Variants in OTOF observed in about 807,000 individuals in gnomAD.
OTOF encodes the protein otoferlin.
OTOF carries 218 observed loss-of-function variants against 236.8 expected under a neutral mutation model. That is an observed-to-expected ratio of 0.92 (90% CI 0.82 to 1.03). OTOF has a LOEUF of 1.03. OTOF is among the 50% of genes least tolerant of loss of function. OTOF has a pLI of 0.00. For synonymous variants in OTOF, 1,041 were observed against 1,072.5 expected, an observed-to-expected ratio of 0.97 and a Z score of 0.57; for missense variants, 2,590 against 2,694.4, an observed-to-expected ratio of 0.96 and a Z score of 0.86.
intron 16 of OTOF, among the ~76,000 whole-genome samples, chr2:26,479,979 G>A (rs1665486109): frequency 6.6e-6 from 1 of 152,252 alleles, no homozygotes; most frequent in Non-Finnish European, 1.5e-5. Flanking sequence ...TGTAGGTGGA[G>A]CTGAGGGTTG....
Position 26,465,659 on chromosome 2 carries a change from A to G in OTOF, c.4799+13T>C. On this transcript the variant is annotated intron_variant, in intron 38 of 46. Transcript: ENST00000272371. Reference sequence around the variant, plus strand: ...GCACACTGCCCCCGCCCTCTGCCCCATGCCCCACATACGTGGAGTAGGTCT... The same window carrying G: ...GCACACTGCCCCCGCCCTCTGCCCCGTGCCCCACATACGTGGAGTAGGTCT... The G allele has an allele frequency of 6.2e-7, 1 of 1,613,674 alleles. No individual in the cohort carries two copies.
chr2:26,532,534 G>A (rs993973248), intron 2 of OTOF, among the ~76,000 whole-genome samples: 7 of 152,240 alleles, frequency 4.6e-5, no homozygotes, highest in African/African-American at 1.7e-4. Context: ...CAGGGATGCA[G>A]GGTTGTTTCT....
intron 1 of OTOF, 79 bp downstream of exon 1, chr2:26,558,414 C>T: frequency 7.7e-7 from 1 of 1,299,672 alleles, no homozygotes; most frequent in Admixed American, 1.7e-5. Flanking sequence ...CCAGCCCTGT[C>T]CTATCCCCGG....
At chr2:26,467,330 A>C in intron 34 of OTOF, 35 bp downstream of exon 34, 1 of 1,612,470 alleles carries the variant, frequency 6.2e-7, no homozygotes, top group Non-Finnish European at 8.5e-7. Context: ...TCCCGCCCCC[A>C]CACACCCTAG....
intron 30 of OTOF, 91 bp from the exon 31 acceptor site, chr2:26,471,241 G>T: frequency 6.9e-7 from 1 of 1,458,572 alleles, no homozygotes; most frequent in Non-Finnish European, 9.6e-7. Context: ...TGGAGGAGCC[G>T]AGATGGAAAT....
intron 5 of OTOF, among the ~76,000 whole-genome samples, chr2:26,504,847 G>A (rs1196977115): frequency 2.0e-5 from 3 of 152,154 alleles, no homozygotes; most frequent in Non-Finnish European, 4.4e-5. Flanking sequence ...TCCTGGGTAT[G>A]GCCCCATCAT....
chr2:26,551,684 G>A (rs1013836979), intron 1 of OTOF, among the ~76,000 whole-genome samples: 1 of 152,184 alleles, frequency 6.6e-6, no homozygotes, highest in Non-Finnish European at 1.5e-5. Context: ...TCAACAGAAC[G>A]AGTGGATAAA....
At chr2:26,489,375 T>G (rs984708858) in intron 10 of OTOF, 80 bp from the exon 11 acceptor site, 15 of 1,146,780 alleles carry the variant, frequency 1.3e-5, no homozygotes, top group African/African-American at 3.0e-5. Context: ...GACCCGAGCT[T>G]TGTGGTGAAG....
chr2:26,467,085 G>A lies in OTOF; in HGVS notation c.4362+14C>T. On this transcript the variant is annotated intron_variant, in intron 35 of 46. Transcript: ENST00000272371. ...TGGCGGGTGCTCAGGCTGGGCCCGT[G>A]CTCCTGGCCTGACCTTGAAGCGTCC... is the stretch of plus-strand genomic sequence containing the variant. The A allele has an allele frequency of 1.2e-6, 2 of 1,611,964 alleles. No homozygotes were observed. Among genetic ancestry groups the A allele is most frequent in the Non-Finnish European group, 1.7e-6 (2 of 1,179,872 alleles).
chr2:26,491,464 T>C (rs188080967), intron 9 of OTOF, among the ~76,000 whole-genome samples: 2 of 152,302 alleles, frequency 1.3e-5, no homozygotes, highest in Non-Finnish European at 2.9e-5. Context: ...TGAGCACACA[T>C]GGGTCTTCAT....
In OTOF at chr2:26,558,547, T is replaced by G. The variant is rs764457788; in HGVS notation, c.25A>C (p.Thr9Pro). 7 of 1,613,710 alleles carry G rather than the reference T, an allele frequency of 4.3e-6. No homozygotes were observed. The African/African-American group carries it at 8.0e-5, about 18-fold the overall frequency. The change falls in exon 1 of 47, where the codon ACA becomes CCA. Residue 9 changes from threonine (T) to proline (P), a missense_variant. This residue lies in a region of OTOF where 1,379 missense variants were observed against 1,341.6 expected (regional missense o/e 1.03). Transcript: ENST00000272371. MALLIHLK[T>P]VSELRGRGDR... ...CCCCTGCCCCGCAGCTCCGAGACTG[T>G]CTTGAGGTGGATGAGCAAGGCCATG...
chr2:26,458,134 A>G lies in OTOF; in HGVS notation c.*104T>C. 1 of 1,614,166 alleles carries G rather than the reference A, an allele frequency of 6.2e-7. No homozygotes were observed. The highest frequency in any genetic ancestry group is 8.5e-7 in the Non-Finnish European group (1 of 1,179,996). On this transcript the variant is annotated 3_prime_UTR_variant, in exon 47 of 47. Transcript: ENST00000272371. ...CCCCAACAGCGCCAGCACGATCTTG[A>G]TGATGAGCCACTTGTACCGGGTGCA...
At position 26,479,273 on chromosome 2, in the gene OTOF, G is replaced by C. The variant is rs761710670; in HGVS notation, c.2205C>G (p.Ala735=). The change falls in exon 18 of 47, where the codon GCC becomes GCG. Residue 735 remains alanine, a synonymous_variant. Coordinates refer to ENST00000272371, the MANE Select transcript of OTOF (RefSeq NM_194248.3). ...LYNANIMDHI[A]DKLEEGLNDI... ...CTGGCCTGGCCCTGACCAGCTTGTC[G>C]GCAATGTGGTCCATGATGTTGGCAT... The C allele has an allele frequency of 2.5e-6, 4 of 1,612,730 alleles. No individual in the cohort carries two copies. The highest frequency in any genetic ancestry group is 1.1e-5 in the South Asian group (1 of 90,980).
intron 3 of OTOF, among the ~76,000 whole-genome samples, chr2:26,520,923 C>CCT (rs1666661915): frequency 6.6e-6 from 1 of 152,168 alleles, no homozygotes; most frequent in Non-Finnish European, 1.5e-5. Context: ...GCTGGGATAT[C>CCT]CTCTTCTGTG....
Position 26,475,931 on chromosome 2 carries a change from G to C in OTOF, c.2974C>G (p.Gln992Glu), listed in dbSNP as rs903310718. The change falls in exon 24 of 47, where the codon CAG becomes GAG. Residue 992 changes from glutamine to glutamate, a missense_variant. By Grantham distance (29) the Gln-to-Glu change is conservative. Coordinates refer to ENST00000272371, the MANE Select transcript of OTOF (RefSeq NM_194248.3). The stretch of plus-strand genomic sequence containing the variant: ...GCCCTCACCTCTGTGCACTGACTCT[G>C]ATTGATGAAGAAGACGCGGGCAAAG... ...DPFARVFFINQSQCTEVLNET... is the reference protein window; with the variant it reads ...DPFARVFFINESQCTEVLNET... The C allele has an allele frequency of 4.3e-6, 7 of 1,609,520 alleles. No homozygotes were observed. In the Admixed American group the frequency reaches 1.2e-4, roughly 27 times the overall value.
rs527530672 is a variant in OTOF, at chr2:26,513,707, G to A, written c.509+2711C>T. 6.6e-5 allele frequency among the ~76,000 whole-genome samples: 10 copies of A among 152,332 alleles called. 1 individual carries two copies. The South Asian group carries it at 2.1e-3, about 32-fold the overall frequency. ...ATCTATAAGGGGATTGGCCTTCCCAGGAGAGGATGGAGGGCAGGGAGCAGA... is the reference window on the plus strand; with the variant it reads ...ATCTATAAGGGGATTGGCCTTCCCAAGAGAGGATGGAGGGCAGGGAGCAGA... On this transcript the variant is annotated intron_variant, in intron 5 of 46. Coordinates refer to ENST00000272371, the MANE Select transcript of OTOF (RefSeq NM_194248.3).
chr2:26,494,680 C>T (rs1665934428), intron 9 of OTOF, among the ~76,000 whole-genome samples: 3 of 151,564 alleles, frequency 2.0e-5, no homozygotes, highest in South Asian at 2.1e-4. Flanking sequence ...TTCACAGGCA[C>T]TGCTGGGGTC....
intron 2 of OTOF, among the ~76,000 whole-genome samples, 189 bp downstream of exon 2, chr2:26,537,527 G>A (rs928301164): frequency 6.6e-6 from 1 of 152,202 alleles, no homozygotes; most frequent in African/African-American, 2.4e-5. Flanking sequence ...TTTCTGGGGG[G>A]AACATGGGGG....
At chr2:26,459,425 G>A (rs935289542) in intron 46 of OTOF, among the ~76,000 whole-genome samples, 5 of 152,062 alleles carry the variant, frequency 3.3e-5, no homozygotes, top group Admixed American at 6.5e-5. Context: ...GGTGGCGGGT[G>A]CCTGTAGTCC....
Sources: gnomAD v4.1 joint callset for allele counts (sites outside exome capture counted in the v4.1 genomes callset) on GRCh38, gnomAD v4.1.1 for gene constraint, gnomAD v4.1.1 regional missense constraint, MANE v1.5 for transcripts, NCBI Gene and HGNC (gene_info 2026-07-23, HGNC 2026-07-21) for gene names.